Variants in ZDHHC19 observed in about 807,000 individuals in gnomAD.
ZDHHC19 encodes palmitoyltransferase ZDHHC19.
ZDHHC19 carries 30 observed loss-of-function variants against 33.9 expected under a neutral mutation model. The ratio of observed to expected loss-of-function variants is 0.88; its 90% confidence interval spans 0.66 to 1.20. ZDHHC19 has a LOEUF of 1.20. Among genes scored for constraint, ZDHHC19 ranks in the 50% most tolerant of loss-of-function variants. ZDHHC19 has a pLI of 0.00. For synonymous variants in ZDHHC19, 178 were observed against 167.6 expected (o/e 1.06, Z -0.48); for missense variants, 364 against 401.1 (o/e 0.91, Z 0.79).
At chr3:196,200,654 T>C (rs1577316020) in intron 5 of ZDHHC19, among the ~76,000 whole-genome samples, 1 of 65,420 alleles carries the variant, frequency 1.5e-5, no homozygotes. Context: ...ACGCCTGGCC[T>C]TTTTTTTTTT....
In ZDHHC19 at chr3:196,203,751, A is replaced by G. The variant is rs1226168831; in HGVS notation, c.687+3647T>C. ...TGCCCAGAAAAGGCTGAAACGATGC[A>G]CTGAGGCTGGGGAGGGTCCACATGC... On this transcript the variant is annotated intron_variant, in intron 5 of 7. Transcript: ENST00000296326. The surrounding 1 kb of genome is among the most constrained non-coding windows in gnomAD (Gnocchi z 4.3). Among the ~76,000 whole-genome samples, 2 of 152,328 alleles carry G rather than the reference A, an allele frequency of 1.3e-5. No individual in the cohort carries two copies. Among genetic ancestry groups the G allele is most frequent in the Non-Finnish European group, 2.9e-5 (2 of 68,032 alleles).
At chr3:196,205,131 C>T (rs897309879) in intron 5 of ZDHHC19, among the ~76,000 whole-genome samples, 1 of 151,958 alleles carries the variant, frequency 6.6e-6, no homozygotes, top group African/African-American at 2.4e-5. Context: ...AAACCACATT[C>T]AATTACCATA....
chr3:196,200,675 C>T (rs1484907437), intron 5 of ZDHHC19, among the ~76,000 whole-genome samples: 2 of 132,348 alleles, frequency 1.5e-5, no homozygotes, highest in African/African-American at 2.9e-5. Flanking sequence ...TTTTTTTAGA[C>T]GCAGTTTTGC....
chr3:196,198,139 A>G, intron 7 of ZDHHC19, 137 bp downstream of exon 7: 1 of 844,768 alleles, frequency 1.2e-6, no homozygotes. Context: ...CCAGTGTAGA[A>G]CCCTCCTCCC....
intron 7 of ZDHHC19, 53 bp downstream of exon 7, chr3:196,198,223 A>G: frequency 7.1e-7 from 1 of 1,407,992 alleles, no homozygotes; most frequent in East Asian, 2.6e-5. Context: ...CACAACCTGC[A>G]GACACCCCCC....
chr3:196,211,337 A>G lies in ZDHHC19; in HGVS notation c.-22T>C. On this transcript the variant is annotated 5_prime_UTR_variant, in exon 1 of 8. Transcript: ENST00000296326. ...TCATGGCTGGGCCTCCTTCGCCTCC[A>G]GGGGAGGTCAGAGCCACCAGGCTTC... 1 of 1,585,234 alleles carries G rather than the reference A, an allele frequency of 6.3e-7. No individual in the cohort carries two copies. The highest frequency in any genetic ancestry group is 2.2e-5 in the East Asian group (1 of 44,628).
chr3:196,207,576 AGCCCC>A (rs1309142651), intron 4 of ZDHHC19, 73 bp from the exon 5 acceptor site: 1 of 845,468 alleles, frequency 1.2e-6, no homozygotes, highest in Non-Finnish European at 1.5e-6. Context: ...CTCCGCCCCG[AGCCCC>A]GCCCCGCCCC....
chr3:196,207,341 G>A, intron 5 of ZDHHC19, 57 bp downstream of exon 5: 1 of 1,463,078 alleles, frequency 6.8e-7, no homozygotes, highest in Non-Finnish European at 9.3e-7. Context: ...AGTGGAGAAA[G>A]CGCGGGAAGC....
chr3:196,210,484 A>G, intron 2 of ZDHHC19, 132 bp downstream of exon 2: 2 of 1,072,562 alleles, frequency 1.9e-6, no homozygotes, highest in Non-Finnish European at 2.7e-6. Context: ...CGAGGGCCAG[A>G]GCAATGAAGA....
chr3:196,206,238 A>G (rs1577324973), intron 5 of ZDHHC19, among the ~76,000 whole-genome samples: 1 of 146,154 alleles, frequency 6.8e-6, no homozygotes, highest in East Asian at 2.1e-4. Flanking sequence ...TTTTAGTAGA[A>G]ACAGGGTTTC....
intron 5 of ZDHHC19, among the ~76,000 whole-genome samples, chr3:196,201,874 G>A (rs774649927): frequency 1.6e-4 from 25 of 152,196 alleles, no homozygotes; most frequent in African/African-American, 2.6e-4. Context: ...TTCTTGCTCC[G>A]TCTCCCACCC....
intron 5 of ZDHHC19, among the ~76,000 whole-genome samples, chr3:196,200,402 T>G (rs150852557): frequency 6.8e-6 from 1 of 146,898 alleles, no homozygotes; most frequent in Non-Finnish European, 1.5e-5. Context: ...TCACCCAGGC[T>G]GGAGTGCAGT....
At position 196,208,414 on chromosome 3, in the gene ZDHHC19, C is replaced by T. The variant is rs746492961; in HGVS notation, c.555G>A (p.Leu185=). 6.2e-7 allele frequency: 1 copy of T among 1,614,052 alleles called. No individual in the cohort carries two copies. Among genetic ancestry groups the T allele is most frequent in the Non-Finnish European group, 8.5e-7 (1 of 1,179,982 alleles). Reference sequence around the variant, plus strand: ...CGATGGCCTTGTCGGTGGAGAAGGGCAGGTGGGTTGTGCGCACCAGGAAGA... The same window carrying T: ...CGATGGCCTTGTCGGTGGAGAAGGGTAGGTGGGTTGTGCGCACCAGGAAGA... ...CLIFLVRTTH[L]PFSTDKAIAI... is the part of the protein sequence containing the mutation. Residue 185 remains leucine (L), a synonymous_variant, in exon 4 of 8, where the codon CTG becomes CTA. Coordinates refer to ENST00000296326, the MANE Select transcript of ZDHHC19 (RefSeq NM_001039617.2).
intron 5 of ZDHHC19, among the ~76,000 whole-genome samples, chr3:196,200,396 CCAGG>C (rs1371648016): frequency 6.9e-6 from 1 of 145,760 alleles, no homozygotes; most frequent in Non-Finnish European, 1.5e-5. Flanking sequence ...GCTCTGTCAC[CCAGG>C]CTGGAGTGCA....
rs1235744503 is a variant in ZDHHC19, at chr3:196,198,870, C to G, written c.692G>C (p.Arg231Thr). Reference protein sequence around the residue: ...SADRTYKGKCRHLQGYNPFDQ... With the variant: ...SADRTYKGKCTHLQGYNPFDQ... ...GAAGGGGTTGTATCCCTGAAGGTGT[C>G]TGCACTGGTCGGGGATGGAAACCGG... The change falls in exon 6 of 8, where the codon AGA (arginine) becomes ACA (threonine). Residue 231 changes from arginine to threonine, a missense_variant. Physicochemically the swap from Arg to Thr is moderately conservative, Grantham distance 71. Transcript: ENST00000296326. 6.2e-7 allele frequency: 1 copy of G among 1,613,850 alleles called. No homozygotes were observed.
chr3:196,208,905 G>A (rs1190412619), intron 3 of ZDHHC19: 21 of 324,296 alleles, frequency 6.5e-5, no homozygotes, highest in Middle Eastern at 9.3e-4. Flanking sequence ...GACAGTAACA[G>A]TAACACCCTT....
chr3:196,209,522 T>C lies in ZDHHC19; in HGVS notation c.269-7A>G. On this transcript the variant is annotated splice_region_variant and splice_polypyrimidine_tract_variant and intron_variant, in intron 2 of 7. Transcript: ENST00000296326. Reference sequence around the variant, plus strand: ...GGGCCCTGCTCAGCGGAGCCTGGCGTGGGAAGAGGATTGGGCACAGCAGAA... The same window carrying C: ...GGGCCCTGCTCAGCGGAGCCTGGCGCGGGAAGAGGATTGGGCACAGCAGAA... 6.2e-7 allele frequency: 1 copy of C among 1,612,000 alleles called. No individual in the cohort carries two copies. Among genetic ancestry groups the C allele is most frequent in the Non-Finnish European group, 8.5e-7 (1 of 1,179,474 alleles).
intron 3 of ZDHHC19, 190 bp downstream of exon 3, chr3:196,209,186 C>T: frequency 1.3e-6 from 1 of 798,560 alleles, no homozygotes; most frequent in Non-Finnish European, 1.9e-6. Context: ...CAGGCAACGG[C>T]CAGCCTCCCA....
chr3:196,209,122 G>A lies in ZDHHC19; in HGVS notation c.408+254C>T, dbSNP rs1723012334. 16 of 482,402 alleles carry A rather than the reference G, an allele frequency of 3.3e-5. No individual in the cohort carries two copies. In the South Asian group the frequency reaches 5.4e-4, roughly 16 times the overall value. The allele number at this position is 482,402 out of a possible 1,614,324, so 29.9% of individuals were successfully genotyped here. A position where few individuals can be genotyped will look rare whatever the true frequency, so the allele number is the denominator to read the frequency against. ...GACAGAGGGCTGCCTCTCCTCCCCT[G>A]GCCTGACCCAGCCCAGGACAGATGC... is the stretch of plus-strand genomic sequence containing the variant. On this transcript the variant is annotated intron_variant, in intron 3 of 7. Transcript: ENST00000296326.
Sources: gnomAD v4.1 joint callset for allele counts (sites outside exome capture counted in the v4.1 genomes callset) on GRCh38, gnomAD v4.1.1 for gene constraint, Gnocchi (gnomAD v3.1) non-coding constraint, MANE v1.5 for transcripts, NCBI Gene and HGNC (gene_info 2026-07-23, HGNC 2026-07-21) for gene names.